RUNDC3B: variants seen among roughly 807,000 people sequenced by gnomAD.
RUNDC3B encodes RUN domain-containing protein 3B.
RUNDC3B carries 33 observed loss-of-function variants against 58.4 expected under a neutral mutation model. The ratio of observed to expected loss-of-function variants is 0.56; its 90% confidence interval spans 0.43 to 0.75. RUNDC3B has a LOEUF of 0.75. Ranked by LOEUF, RUNDC3B falls within the 30% of genes least tolerant of loss-of-function variation. The pLI, the probability that RUNDC3B is intolerant of heterozygous loss-of-function variation, is 0.00. For synonymous variants in RUNDC3B, 193 were observed against 195.2 expected (o/e 0.99, Z 0.10); for missense variants, 501 against 535.7 (o/e 0.94, Z 0.64).
chr7:87,788,757 G>A (rs899940973), intron 8 of RUNDC3B, among the ~76,000 whole-genome samples: 1 of 148,004 alleles, frequency 6.8e-6, no homozygotes, highest in African/African-American at 2.5e-5. Context: ...TTTTAGTAGG[G>A]TACATGTGCA....
intron 8 of RUNDC3B, among the ~76,000 whole-genome samples, chr7:87,798,434 G>A (rs758436149): frequency 6.6e-6 from 1 of 152,038 alleles, no homozygotes; most frequent in Non-Finnish European, 1.5e-5. Flanking sequence ...TGTTTTTATT[G>A]TGCTTCTATC....
intron 4 of RUNDC3B, among the ~76,000 whole-genome samples, chr7:87,712,041 A>G (rs894769934): frequency 6.6e-6 from 1 of 152,288 alleles, no homozygotes. Context: ...CATTCTTTCA[A>G]CTAACTAGCT....
chr7:87,666,760 C>T (rs1183155604), intron 2 of RUNDC3B, among the ~76,000 whole-genome samples: 1 of 152,056 alleles, frequency 6.6e-6, no homozygotes, highest in Non-Finnish European at 1.5e-5. Flanking sequence ...TTCCCCATTG[C>T]TTGTTTTTGT....
At chr7:87,793,647 C>A (rs1352592586) in intron 8 of RUNDC3B, among the ~76,000 whole-genome samples, 1 of 152,014 alleles carries the variant, frequency 6.6e-6, no homozygotes, top group East Asian at 1.9e-4. Context: ...TTTAAAAAAA[C>A]ACTCAAAAAA....
intron 8 of RUNDC3B, among the ~76,000 whole-genome samples, chr7:87,803,679 T>G (rs948205299): frequency 1.7e-4 from 26 of 152,188 alleles, no homozygotes; most frequent in South Asian, 1.7e-3. Context: ...GACTTTTAGA[T>G]GATTGCTTCT....
At position 87,826,448 on chromosome 7, in the gene RUNDC3B, T is replaced by C. The variant is rs531891856; in HGVS notation, c.1226-3437T>C. ...TACATTTCCAAGTATCAAGTATGCC[T>C]TATCAGCAGCGTGAAAATGGACTAA... On this transcript the variant is annotated intron_variant, in intron 10 of 10. Transcript: ENST00000394654. Among the ~76,000 whole-genome samples, 10 of 151,480 alleles carry C rather than the reference T, an allele frequency of 6.6e-5. No individual in the cohort carries two copies. The South Asian group carries it at 2.1e-3, about 32-fold the overall frequency.
chr7:87,815,085 C>T (rs1298288347), intron 9 of RUNDC3B, among the ~76,000 whole-genome samples: 3 of 151,634 alleles, frequency 2.0e-5, no homozygotes, highest in Admixed American at 6.6e-5. Context: ...TAAATTCTTT[C>T]CCCCCCTTCC....
intron 3 of RUNDC3B, among the ~76,000 whole-genome samples, chr7:87,703,909 TTTTG>T (rs1829335623): frequency 7.2e-4 from 76 of 105,448 alleles, no homozygotes; most frequent in African/African-American, 2.8e-3. Context: ...TTTTTTTTTT[TTTTG>T]GTTTTTTTTT....
rs895367908 is a variant in RUNDC3B at position 87,831,106 on chromosome 7, CTTTT to C, written c.*1085_*1088del. 1 of 134,116 alleles carries C rather than the reference CTTTT, an allele frequency of 7.5e-6. No homozygotes were observed. Among genetic ancestry groups the C allele is most frequent in the African/African-American group, 2.7e-5 (1 of 36,932 alleles). 8.3% of individuals were successfully genotyped at this position (134,116 alleles called of 1,614,324 possible). ...TTTTTTTTTAAAGTTGTAATCTGTACTTTTTTTTTTTTGCAATTTTTGAAACAGC... is the reference window on the plus strand; with the variant it reads ...TTTTTTTTTAAAGTTGTAATCTGTACTTTTTTTTGCAATTTTTGAAACAGC... On this transcript the variant is annotated 3_prime_UTR_variant, in exon 11 of 11. Coordinates refer to ENST00000394654, the MANE Select transcript of RUNDC3B (RefSeq NM_001134405.2).
chr7:87,784,059 C>T (rs1396687932), intron 8 of RUNDC3B, among the ~76,000 whole-genome samples: 1 of 152,098 alleles, frequency 6.6e-6, no homozygotes, highest in Non-Finnish European at 1.5e-5. Flanking sequence ...CTAGTGAGAT[C>T]AGGGAAATTT....
intron 4 of RUNDC3B, among the ~76,000 whole-genome samples, chr7:87,719,813 A>G (rs970545621): frequency 2.6e-5 from 4 of 151,780 alleles, no homozygotes; most frequent in African/African-American, 9.7e-5. Flanking sequence ...TTCTCACATT[A>G]TATAAAATAA....
At chr7:87,668,755 T>C (rs1028078608) in intron 2 of RUNDC3B, among the ~76,000 whole-genome samples, 1 of 152,090 alleles carries the variant, frequency 6.6e-6, no homozygotes, top group African/African-American at 2.4e-5. Flanking sequence ...CTCAAGAGCA[T>C]GATGTTTAAT....
chr7:87,671,449 G>T (rs939015877), intron 2 of RUNDC3B, among the ~76,000 whole-genome samples: 3 of 152,134 alleles, frequency 2.0e-5, no homozygotes, highest in African/African-American at 7.2e-5. Context: ...CTGAGAATGG[G>T]CACCTACTTA....
intron 2 of RUNDC3B, among the ~76,000 whole-genome samples, chr7:87,657,056 C>T (rs1403968509): frequency 6.6e-6 from 1 of 152,124 alleles, no homozygotes; most frequent in Non-Finnish European, 1.5e-5. Flanking sequence ...ACATGACATA[C>T]TTTCCCCTAT....
chr7:87,752,898 T>C (rs1424406125), intron 6 of RUNDC3B, among the ~76,000 whole-genome samples: 3 of 151,892 alleles, frequency 2.0e-5, no homozygotes, highest in Middle Eastern at 3.4e-3. Flanking sequence ...TGATTTTAGT[T>C]ATTTCTTGCC....
At position 87,691,588 on chromosome 7, in the gene RUNDC3B, C is replaced by G. The variant is rs565980446; in HGVS notation, c.239-8833C>G. On this transcript the variant is annotated intron_variant, in intron 2 of 10. Transcript: ENST00000394654. ...TAAGAACCCCTTCTACAAACAAGCC[C>G]TGGGCCACTTTGAAATAATGTGAGC... Among the ~76,000 whole-genome samples, 8 of 152,252 alleles carry G rather than the reference C, an allele frequency of 5.3e-5. No homozygotes were observed. The East Asian group carries it at 1.5e-3, about 29-fold the overall frequency.
chr7:87,784,042 A>T (rs1296596521), intron 8 of RUNDC3B, among the ~76,000 whole-genome samples: 1 of 152,068 alleles, frequency 6.6e-6, no homozygotes. Flanking sequence ...TTTGTTTGCC[A>T]ACCTATCTAG....
At chr7:87,709,635 C>T in intron 3 of RUNDC3B, 1 of 435,830 alleles carries the variant, frequency 2.3e-6, no homozygotes, top group Non-Finnish European at 3.1e-6. Context: ...TTTCCTATCC[C>T]ATAGTTTGGT....
chr7:87,732,223 A>G (rs1831623797), intron 4 of RUNDC3B, among the ~76,000 whole-genome samples: 2 of 152,178 alleles, frequency 1.3e-5, no homozygotes, highest in South Asian at 4.1e-4. Flanking sequence ...ACATGGAAAC[A>G]CAACATATCA....
Sources: gnomAD v4.1 joint callset for allele counts (sites outside exome capture counted in the v4.1 genomes callset) on GRCh38, gnomAD v4.1.1 for gene constraint, MANE v1.5 for transcripts, NCBI Gene and HGNC (gene_info 2026-07-23, HGNC 2026-07-21) for gene names.